The following PTGFR variants were observed in gnomAD, a reference collection of about 807,000 sequenced individuals.
The protein encoded by PTGFR is prostaglandin F2-alpha receptor.
PTGFR carries 15 observed loss-of-function variants against 26.2 expected under a neutral mutation model. The observed-to-expected ratio is 0.57, with a 90% CI of 0.38 to 0.88. The LOEUF (loss-of-function observed/expected upper bound fraction) is 0.88, where lower values mean the gene tolerates loss of function less well. Among genes scored for constraint, PTGFR ranks in the 40% least tolerant of loss-of-function variants. PTGFR has a pLI of 0.00. For synonymous variants in PTGFR, 165 were observed against 151.1 expected (o/e 1.09, Z -0.68); for missense variants, 369 against 427.2 (o/e 0.86, Z 1.20).
intron 2 of PTGFR, among the ~76,000 whole-genome samples, chr1:78,518,577 C>G (rs1481553773): frequency 8.7e-5 from 3 of 34,558 alleles, no homozygotes; most frequent in Non-Finnish European, 1.7e-4. Context: ...GACACACACA[C>G]ACACACACAC....
intron 2 of PTGFR, among the ~76,000 whole-genome samples, chr1:78,534,697 G>A (rs969792605): frequency 6.7e-6 from 1 of 150,060 alleles, no homozygotes; most frequent in Non-Finnish European, 1.5e-5. Flanking sequence ...TACATATTTG[G>A]TTTTTTTTTC....
chr1:78,505,071 A>G (rs974286268), intron 2 of PTGFR, among the ~76,000 whole-genome samples: 1 of 151,838 alleles, frequency 6.6e-6, no homozygotes, highest in Non-Finnish European at 1.5e-5. Context: ...CTTTCCTCAT[A>G]ATAGTGAGGC....
intron 2 of PTGFR, among the ~76,000 whole-genome samples, chr1:78,494,753 G>C (rs1441675693): frequency 6.6e-6 from 1 of 152,154 alleles, no homozygotes; most frequent in Non-Finnish European, 1.5e-5. Context: ...TTACAGGCGT[G>C]TGGCACCAAA....
intron 2 of PTGFR, among the ~76,000 whole-genome samples, chr1:78,524,248 T>C (rs899517482): frequency 6.6e-6 from 1 of 152,014 alleles, no homozygotes; most frequent in Non-Finnish European, 1.5e-5. Context: ...TGCACACACA[T>C]AGGGCTTGAT....
At chr1:78,493,625 T>G (rs2100345753) in intron 2 of PTGFR, 84 bp downstream of exon 2, 2 of 1,312,804 alleles carry the variant, frequency 1.5e-6, no homozygotes, top group East Asian at 4.8e-5. Context: ...GTCTTTTAAA[T>G]GCTGAGAATG....
chr1:78,527,859 A>T (rs1029156850), intron 2 of PTGFR, among the ~76,000 whole-genome samples: 1 of 152,160 alleles, frequency 6.6e-6, no homozygotes, highest in Non-Finnish European at 1.5e-5. Context: ...GCCAGTATGT[A>T]CCAAATATTG....
Position 78,515,563 on chromosome 1 carries a change from T to C in PTGFR, c.799-20843T>C, listed in dbSNP as rs569177030. ...AAAAAGAATATGTTACTACAGCACA[T>C]TACACTGATTCAAATCTGAGTTTTT... On this transcript the variant is annotated intron_variant, in intron 2 of 2. Transcript: ENST00000370757. Among the ~76,000 whole-genome samples the C allele has an allele frequency of 2.6e-5, 4 of 152,332 alleles. No homozygotes were observed. The South Asian group carries it at 8.3e-4, about 32-fold the overall frequency.
chr1:78,532,475 T>A (rs1191868695), intron 2 of PTGFR: 1 of 137,956 alleles, frequency 7.2e-6, no homozygotes, highest in African/African-American at 3.1e-5. Context: ...TGTGTGTGTA[T>A]ATATGTGTGT....
intron 2 of PTGFR, among the ~76,000 whole-genome samples, chr1:78,513,835 C>T (rs576057520): frequency 4.6e-5 from 7 of 152,224 alleles, no homozygotes; most frequent in Admixed American, 1.3e-4. Context: ...CCAGGGTGCC[C>T]GGACTCCACC....
intron 2 of PTGFR, among the ~76,000 whole-genome samples, chr1:78,521,780 C>T (rs1368834236): frequency 2.6e-5 from 4 of 152,106 alleles, no homozygotes; most frequent in East Asian, 1.9e-4. Context: ...AATGCATCTA[C>T]ACTTTCTCCA....
rs1003108012 is a variant in PTGFR, at chr1:78,538,815, A to G, written c.*2128A>G. ...ACAAATAGTTTCAATAAATTTACCAATTTGAGTGTTTTCAGCTCTATTTCA... is the reference window on the plus strand; with the variant it reads ...ACAAATAGTTTCAATAAATTTACCAGTTTGAGTGTTTTCAGCTCTATTTCA... On this transcript the variant is annotated 3_prime_UTR_variant, in exon 3 of 3. Transcript: ENST00000370757. The G allele has an allele frequency of 1.3e-5, 2 of 152,086 alleles. No homozygotes were observed. The highest frequency in any genetic ancestry group is 4.8e-5 in the African/African-American group (2 of 41,436). The allele number at this position is 152,086 out of a possible 1,614,324, so 9.4% of individuals were successfully genotyped here. A position where few individuals can be genotyped will look rare whatever the true frequency, so the allele number is the denominator to read the frequency against.
intron 2 of PTGFR, among the ~76,000 whole-genome samples, chr1:78,516,155 C>G (rs1423512951): frequency 6.6e-6 from 1 of 152,078 alleles, no homozygotes; most frequent in Non-Finnish European, 1.5e-5. Context: ...ATATGCCAGA[C>G]AAGATTCTAA....
intron 1 of PTGFR, among the ~76,000 whole-genome samples, chr1:78,491,829 T>C (rs1649409076): frequency 6.6e-6 from 1 of 152,160 alleles, no homozygotes; most frequent in South Asian, 2.1e-4. Context: ...GAAACGCCAA[T>C]CGAATTAGCT....
intron 2 of PTGFR, among the ~76,000 whole-genome samples, chr1:78,528,096 A>T (rs946933946): frequency 6.6e-6 from 1 of 152,068 alleles, no homozygotes; most frequent in Admixed American, 6.6e-5. Context: ...ACCATGAGAT[A>T]GGAAATGTAT....
intron 2 of PTGFR, among the ~76,000 whole-genome samples, chr1:78,505,167 G>C (rs1649799486): frequency 7.2e-6 from 1 of 139,692 alleles, no homozygotes; most frequent in Admixed American, 7.7e-5. Flanking sequence ...TTGTTGTCCA[G>C]GCTGGAGTGC....
intron 2 of PTGFR, among the ~76,000 whole-genome samples, chr1:78,525,231 C>T (rs921064743): frequency 1.6e-4 from 24 of 151,790 alleles, no homozygotes; most frequent in African/African-American, 5.8e-4. Flanking sequence ...TAGCAGAGTC[C>T]CCCAGAAGAC....
At chr1:78,511,101 C>T (rs938472927) in intron 2 of PTGFR, among the ~76,000 whole-genome samples, 32 of 152,314 alleles carry the variant, frequency 2.1e-4, no homozygotes, top group Admixed American at 3.9e-4. Context: ...GTGGCTTTTT[C>T]AGGCTTATGG....
chr1:78,533,004 G>T (rs890943758), intron 2 of PTGFR, among the ~76,000 whole-genome samples: 3 of 152,146 alleles, frequency 2.0e-5, no homozygotes, highest in African/African-American at 7.2e-5. Flanking sequence ...AAAAGGAAAT[G>T]ATGCTCCATT....
At position 78,537,424 on chromosome 1, in the gene PTGFR, A is replaced by G. The variant is rs1309654615; in HGVS notation, c.*737A>G. 6.6e-6 allele frequency: 1 copy of G among 152,136 alleles called. No homozygotes were observed. Among genetic ancestry groups the G allele is most frequent in the East Asian group, 1.9e-4 (1 of 5,194 alleles). The allele number at this position is 152,136 out of a possible 1,614,324, so 9.4% of individuals were successfully genotyped here. On this transcript the variant is annotated 3_prime_UTR_variant, in exon 3 of 3. Transcript: ENST00000370757. ...AAATTTTGTGTGTGATTGCACAATAAATAATTTTTAGAGAAACAAAGGCTC... is the reference window on the plus strand; with the variant it reads ...AAATTTTGTGTGTGATTGCACAATAGATAATTTTTAGAGAAACAAAGGCTC...
Sources: gnomAD v4.1 joint callset for allele counts (sites outside exome capture counted in the v4.1 genomes callset) on GRCh38, gnomAD v4.1.1 for gene constraint, MANE v1.5 for transcripts, NCBI Gene and HGNC (gene_info 2026-07-23, HGNC 2026-07-21) for gene names.